Variants in ANTXR1 observed in about 807,000 individuals in gnomAD.
ANTXR1 encodes the protein ANTXR cell adhesion molecule 1.
Under a neutral mutation model 78.1 loss-of-function variants are expected in ANTXR1, and 19 were observed. That is an observed-to-expected ratio of 0.24 (90% CI 0.17 to 0.36). The LOEUF (loss-of-function observed/expected upper bound fraction) is 0.36, where lower values mean the gene tolerates loss of function less well. Among genes scored for constraint, ANTXR1 ranks in the 10% least tolerant of loss-of-function variants. ANTXR1 has a pLI of 1.00. For missense variants in ANTXR1, 518 were observed against 718.6 expected (o/e 0.72, Z 3.19); for synonymous variants, 273 against 260.5 (o/e 1.05, Z -0.46).
intron 8 of ANTXR1, among the ~76,000 whole-genome samples, chr2:69,088,208 C>T (rs77719691): frequency 1.7e-3 from 261 of 152,236 alleles, no homozygotes; most frequent in African/African-American, 5.6e-3. Flanking sequence ...TAAAGATCCA[C>T]GGATGGTTCC....
At position 69,193,469 on chromosome 2, in the gene ANTXR1, A is replaced by G. The variant is rs911980419; in HGVS notation, c.1434+54A>G. The stretch of plus-strand genomic sequence containing the variant: ...CTCTCTCTCTCTCTCTCACATACAC[A>G]CACACACACACACACACACACATAT... On this transcript the variant is annotated intron_variant, in intron 17 of 17. Coordinates refer to ENST00000303714, the MANE Select transcript of ANTXR1 (RefSeq NM_032208.3). 89 of 1,207,202 alleles carry G rather than the reference A, an allele frequency of 7.4e-5. 1 individual carries two copies. The highest frequency in any genetic ancestry group is 1.0e-4 in the Non-Finnish European group (85 of 817,404). The allele number at this position is 1,207,202 out of a possible 1,614,324, so 74.8% of individuals were successfully genotyped here.
chr2:69,094,431 G>T (rs1242546397), intron 9 of ANTXR1, among the ~76,000 whole-genome samples: 2 of 152,158 alleles, frequency 1.3e-5, no homozygotes, highest in African/African-American at 4.8e-5. Flanking sequence ...AGAGTAAAAA[G>T]GAAATAACTG....
At chr2:69,092,469 A>G (rs1270888513) in intron 9 of ANTXR1, among the ~76,000 whole-genome samples, 1 of 152,284 alleles carries the variant, frequency 6.6e-6, no homozygotes, top group Non-Finnish European at 1.5e-5. Context: ...ATACATATGT[A>G]CATACATAAA....
chr2:69,075,724 G>C (rs573110530), intron 7 of ANTXR1, 66 bp downstream of exon 7: 1 of 1,428,142 alleles, frequency 7.0e-7, no homozygotes, highest in Non-Finnish European at 9.9e-7. Context: ...AACATGTTCA[G>C]TCAGTGCAGA....
intron 3 of ANTXR1, among the ~76,000 whole-genome samples, chr2:69,070,028 C>T (rs866874471): frequency 5.3e-5 from 8 of 152,184 alleles, no homozygotes; most frequent in Middle Eastern, 3.2e-3. Flanking sequence ...CATTTGGCCC[C>T]CAAGTCATTT....
chr2:69,178,520 G>A (rs7586887), intron 14 of ANTXR1, among the ~76,000 whole-genome samples: 12,304 of 152,194 alleles, frequency 0.081, 1,681 homozygotes, highest in African/African-American at 0.28. Flanking sequence ...AGGGACAAGA[G>A]GGAGGAGCCA....
rs1573867594 is a variant in ANTXR1, at chr2:69,093,308, A to G, written c.703+2389A>G. Among the ~76,000 whole-genome samples, 4 of 152,250 alleles carry G rather than the reference A, an allele frequency of 2.6e-5. 1 individual carries two copies. In the South Asian group the frequency reaches 8.3e-4, roughly 32 times the overall value. On this transcript the variant is annotated intron_variant, in intron 9 of 17. Coordinates refer to ENST00000303714, the MANE Select transcript of ANTXR1 (RefSeq NM_032208.3). The stretch of plus-strand genomic sequence containing the variant: ...AGAAGTTAATATACCTTTGAACTGC[A>G]ACTAAAATGAAGCAAAATCTAAAAT...
intron 1 of ANTXR1, among the ~76,000 whole-genome samples, chr2:69,035,626 C>T (rs1397432734): frequency 6.6e-6 from 1 of 152,122 alleles, no homozygotes; most frequent in Non-Finnish European, 1.5e-5. Context: ...ACATCTCCAG[C>T]GTGGCTCAAA....
At chr2:69,212,618 G>T (rs1675070348) in intron 17 of ANTXR1, among the ~76,000 whole-genome samples, 1 of 152,150 alleles carries the variant, frequency 6.6e-6, no homozygotes, top group African/African-American at 2.4e-5. Flanking sequence ...TTTCTTGGGG[G>T]TTTTCTTGTA....
intron 8 of ANTXR1, among the ~76,000 whole-genome samples, chr2:69,090,392 C>G (rs1396093524): frequency 6.6e-6 from 1 of 152,056 alleles, no homozygotes; most frequent in African/African-American, 2.4e-5. Flanking sequence ...TGAGTCCCAC[C>G]CTCAGCTCCC....
chr2:69,076,665 G>C (rs1282568882), intron 7 of ANTXR1, among the ~76,000 whole-genome samples: 1 of 152,258 alleles, frequency 6.6e-6, no homozygotes, highest in African/African-American at 2.4e-5. Flanking sequence ...TAGATGAACA[G>C]AGAGGATTAT....
At position 69,040,062 on chromosome 2, in the gene ANTXR1, C is replaced by T. The variant is rs774485678; in HGVS notation, c.171C>T (p.His57=). 1 of 1,613,424 alleles carries T rather than the reference C, an allele frequency of 6.2e-7. No individual in the cohort carries two copies. Among genetic ancestry groups the T allele is most frequent in the Non-Finnish European group, 8.5e-7 (1 of 1,179,546 alleles). ...FILDKSGSVL[H]HWNEIYYFVE... is the part of the protein sequence containing the mutation. ...TTCCTAGATCAGGAAGTGTGCTGCA[C>T]CACTGGAATGAAATCTATTACTTTG... Residue 57 remains histidine, a synonymous_variant, in exon 2 of 18, where the codon CAC becomes CAT. Transcript: ENST00000303714.
At position 69,070,656 on chromosome 2, in the gene ANTXR1, C is replaced by A; in HGVS notation, c.306C>A (p.Ile102=). Residue 102 remains isoleucine (I), a synonymous_variant, in exon 4 of 18, where the codon ATC becomes ATA. Coordinates refer to ENST00000303714, the MANE Select transcript of ANTXR1 (RefSeq NM_032208.3). ...LMKLTEDREQ[I]RQGLEELQKV... The stretch of plus-strand genomic sequence containing the variant: ...TGTCTTTGGATTTCAGAGAACAAAT[C>A]CGTCAAGGCCTAGAAGAACTCCAGA... 4 of 1,614,086 alleles carry A rather than the reference C, an allele frequency of 2.5e-6. No individual in the cohort carries two copies. The highest frequency in any genetic ancestry group is 3.4e-6 in the Non-Finnish European group (4 of 1,179,960).
intron 17 of ANTXR1, among the ~76,000 whole-genome samples, chr2:69,221,611 G>A (rs1675322231): frequency 6.7e-6 from 1 of 149,412 alleles, no homozygotes; most frequent in South Asian, 2.1e-4. Context: ...GTGGAGTTCT[G>A]ATCACAGAAC....
chr2:69,152,002 T>A (rs1277123898), intron 12 of ANTXR1, among the ~76,000 whole-genome samples, 167 bp from the exon 13 acceptor site: 1 of 152,224 alleles, frequency 6.6e-6, no homozygotes, highest in Non-Finnish European at 1.5e-5. Context: ...ACAGAGTGTG[T>A]TGCAGGGCCA....
At position 69,245,723 on chromosome 2, in the gene ANTXR1, C is replaced by A; in HGVS notation, c.*238C>A. ...AGATTTATAGCCAGCCATCTATCAC[C>A]TCTAGAAGGTTCCAGAGACAGTGAA... On this transcript the variant is annotated 3_prime_UTR_variant, in exon 18 of 18. Transcript: ENST00000303714. 1.8e-6 allele frequency: 1 copy of A among 540,710 alleles called. No homozygotes were observed. The highest frequency in any genetic ancestry group is 3.2e-6 in the Non-Finnish European group (1 of 308,822). The allele number at this position is 540,710 out of a possible 1,614,324, so 33.5% of individuals were successfully genotyped here. A position where few individuals can be genotyped will look rare whatever the true frequency, so the allele number is the denominator to read the frequency against.
intron 1 of ANTXR1, among the ~76,000 whole-genome samples, chr2:69,025,613 T>C (rs535112018): frequency 1.6e-3 from 244 of 151,352 alleles, no homozygotes; most frequent in Non-Finnish European, 2.8e-3. Context: ...ATATAGTAAA[T>C]AAGAATTCTA....
chr2:69,087,407 G>C (rs557045799), intron 8 of ANTXR1, among the ~76,000 whole-genome samples: 2 of 152,290 alleles, frequency 1.3e-5, no homozygotes, highest in South Asian at 4.1e-4. Flanking sequence ...ACCTGCCCAA[G>C]GTCACACTGC....
At chr2:69,077,894 G>A (rs570947996) in intron 8 of ANTXR1, among the ~76,000 whole-genome samples, 1 of 152,312 alleles carries the variant, frequency 6.6e-6, no homozygotes, top group South Asian at 2.1e-4. Context: ...CTTTAGACCA[G>A]GCTGTCCATT....
Sources: allele counts gnomAD v4.1 joint callset (sites outside exome capture counted in the v4.1 genomes callset), GRCh38; gene constraint gnomAD v4.1.1; transcripts MANE v1.5; gene names NCBI Gene and HGNC (gene_info 2026-07-23, HGNC 2026-07-21).